The following GRM3 variants were observed in gnomAD, a reference collection of about 807,000 sequenced individuals.
GRM3 encodes glutamate metabotropic receptor 3.
GRM3 carries 26 observed loss-of-function variants against 70.5 expected under a neutral mutation model. The observed-to-expected ratio is 0.37, with a 90% CI of 0.27 to 0.51. The LOEUF is 0.51. GRM3 is among the 20% of genes least tolerant of loss of function. The pLI is 0.93. For missense variants in GRM3, 859 were observed against 1,123.8 expected (o/e 0.76, Z 3.37); for synonymous variants, 443 against 434.9 (o/e 1.02, Z -0.23).
chr7:86,802,298 A>G (rs1797700568), intron 3 of GRM3, among the ~76,000 whole-genome samples: 1 of 151,244 alleles, frequency 6.6e-6, no homozygotes, highest in Non-Finnish European at 1.5e-5. Context: ...AAAAGAAAAG[A>G]AAAAAAAACA....
chr7:86,659,136 T>G (rs963033118), intron 1 of GRM3, among the ~76,000 whole-genome samples: 23 of 152,278 alleles, frequency 1.5e-4, no homozygotes, highest in African/African-American at 5.5e-4. Flanking sequence ...AGAAGACGAT[T>G]CTTGAATCCC....
chr7:86,777,568 T>C (rs1796926335), intron 2 of GRM3, among the ~76,000 whole-genome samples: 2 of 152,210 alleles, frequency 1.3e-5, no homozygotes, highest in South Asian at 2.1e-4. Context: ...TTTGCTATAC[T>C]TCATTATACG....
intron 5 of GRM3, among the ~76,000 whole-genome samples, chr7:86,858,205 C>T (rs1798888361): frequency 6.6e-6 from 1 of 152,060 alleles, no homozygotes; most frequent in African/African-American, 2.4e-5. Context: ...ATCCACCCAC[C>T]TCATCCTCCC....
intron 1 of GRM3, among the ~76,000 whole-genome samples, chr7:86,753,083 C>A (rs2116367324): frequency 6.6e-6 from 1 of 152,144 alleles, no homozygotes; most frequent in African/African-American, 2.4e-5. Context: ...ATTGCATCAT[C>A]CGCACAGCCA....
In GRM3 at chr7:86,746,345, A is replaced by ATATATATAAAAT. The variant is rs1562846609; in HGVS notation, c.-140-18653_-140-18652insAAATTATATATA. Reference sequence around the variant, plus strand: ...TAATAGAGGGTCAGTCATGTATTATATATATATATATATATATATATATAT... The same window carrying ATATATATAAAAT: ...TAATAGAGGGTCAGTCATGTATTATATATATATAAAATTATATATATATATATATATATATAT... On this transcript the variant is annotated intron_variant, in intron 1 of 5. Coordinates refer to ENST00000361669, the MANE Select transcript of GRM3 (RefSeq NM_000840.3). 1.3e-3 allele frequency among the ~76,000 whole-genome samples: 116 copies of ATATATATAAAAT among 89,632 alleles called. 1 individual carries two copies. In the Middle Eastern group the frequency reaches 0.027, roughly 21 times the overall value. 58.8% of individuals were successfully genotyped at this position (89,632 alleles called of 152,430 possible). A position where few individuals can be genotyped will look rare whatever the true frequency, so the allele number is the denominator to read the frequency against.
At chr7:86,822,200 A>G (rs959804820) in intron 3 of GRM3, among the ~76,000 whole-genome samples, 1 of 152,156 alleles carries the variant, frequency 6.6e-6, no homozygotes, top group East Asian at 1.9e-4. Flanking sequence ...TGCAGGATAA[A>G]CAAAACAATT....
rs745903528 is a variant in GRM3 at position 86,850,359 on chromosome 7, T to C, written c.2392-11T>C. The C allele has an allele frequency of 6.2e-7, 1 of 1,607,714 alleles. No homozygotes were observed. The highest frequency in any genetic ancestry group is 2.2e-5 in the East Asian group (1 of 44,792). On this transcript the variant is annotated splice_polypyrimidine_tract_variant and intron_variant, in intron 4 of 5. Transcript: ENST00000361669. ...ACAGCCAGACACTTACTAGCCAACC[T>C]TCTCTTGTAGGTGCAGACGACAACC...
chr7:86,740,886 T>G (rs551162503), intron 1 of GRM3, among the ~76,000 whole-genome samples: 1 of 152,318 alleles, frequency 6.6e-6, no homozygotes, highest in African/African-American at 2.4e-5. Context: ...TGGTAGTCTA[T>G]TACTTAGCAC....
rs527971853 is a variant in GRM3, at chr7:86,831,420, G to C, written c.1325-7419G>C. ...TGTGTAATGAAGAGGGCAAGAGTTG[G>C]GGAAAAGAAGGTAGGAAAAAAATGT... On this transcript the variant is annotated intron_variant, in intron 3 of 5. Coordinates refer to ENST00000361669, the MANE Select transcript of GRM3 (RefSeq NM_000840.3). 6.6e-4 allele frequency among the ~76,000 whole-genome samples: 100 copies of C among 152,204 alleles called. 1 individual carries two copies. The highest frequency in any genetic ancestry group is 2.4e-3 in the African/African-American group (98 of 41,526).
At chr7:86,692,955 T>C (rs1039828047) in intron 1 of GRM3, among the ~76,000 whole-genome samples, 1 of 152,182 alleles carries the variant, frequency 6.6e-6, no homozygotes, top group Non-Finnish European at 1.5e-5. Context: ...GTTCAGGACC[T>C]ACAGACTGGA....
intron 1 of GRM3, among the ~76,000 whole-genome samples, chr7:86,648,098 C>G (rs905214138): frequency 6.6e-6 from 1 of 152,158 alleles, no homozygotes; most frequent in African/African-American, 2.4e-5. Context: ...AAGCTTCACA[C>G]AGTTACAGGA....
At chr7:86,703,153 C>T (rs565426605) in intron 1 of GRM3, among the ~76,000 whole-genome samples, 2 of 151,900 alleles carry the variant, frequency 1.3e-5, no homozygotes, top group African/African-American at 4.8e-5. Context: ...AGAATATGAA[C>T]ATTTCTTAAG....
intron 1 of GRM3, among the ~76,000 whole-genome samples, chr7:86,650,293 C>A (rs1348927524): frequency 6.6e-6 from 1 of 152,150 alleles, no homozygotes; most frequent in Non-Finnish European, 1.5e-5. Flanking sequence ...AATTCAAAAC[C>A]TACTTTCTTA....
chr7:86,850,827 A>G (rs533451106), intron 5 of GRM3, among the ~76,000 whole-genome samples: 2 of 152,262 alleles, frequency 1.3e-5, no homozygotes, highest in East Asian at 1.9e-4. Context: ...GTGGGGTTAG[A>G]TAACCTGGTC....
chr7:86,691,320 C>T (rs11983719), intron 1 of GRM3, among the ~76,000 whole-genome samples: 5,084 of 152,240 alleles, frequency 0.033, 280 homozygotes, highest in African/African-American at 0.12. Flanking sequence ...CTCTCACACA[C>T]TGCATTCTCC....
intron 1 of GRM3, among the ~76,000 whole-genome samples, chr7:86,713,975 G>T (rs1307270557): frequency 1.3e-5 from 2 of 151,866 alleles, no homozygotes; most frequent in African/African-American, 4.8e-5. Flanking sequence ...GGGACACTAA[G>T]GCAGGTCCAT....
chr7:86,656,692 C>T (rs1793754335), intron 1 of GRM3, among the ~76,000 whole-genome samples: 1 of 151,970 alleles, frequency 6.6e-6, no homozygotes, highest in African/African-American at 2.4e-5. Flanking sequence ...GACTAACACC[C>T]AGATTTAGCA....
At chr7:86,683,766 A>G (rs1035658368) in intron 1 of GRM3, among the ~76,000 whole-genome samples, 4 of 152,162 alleles carry the variant, frequency 2.6e-5, no homozygotes, top group African/African-American at 9.7e-5. Flanking sequence ...TCACAATATG[A>G]ACTGGAAAGT....
intron 4 of GRM3, among the ~76,000 whole-genome samples, chr7:86,843,746 T>C (rs750121329): frequency 6.6e-6 from 1 of 152,192 alleles, no homozygotes; most frequent in African/African-American, 2.4e-5. Flanking sequence ...TCTCCTCTTT[T>C]GTAACTTACA....
Sources: allele counts gnomAD v4.1 joint callset (sites outside exome capture counted in the v4.1 genomes callset), GRCh38; gene constraint gnomAD v4.1.1; transcripts MANE v1.5; gene names NCBI Gene and HGNC (gene_info 2026-07-23, HGNC 2026-07-21).